The following PCDHGA1 variants were observed in gnomAD, a reference collection of about 807,000 sequenced individuals.
PCDHGA1 encodes protocadherin gamma-A1.
In PCDHGA1, 32 loss-of-function variants were observed where a neutral mutation model predicts 58.0. The ratio of observed to expected loss-of-function variants is 0.55; its 90% confidence interval spans 0.42 to 0.74. The LOEUF (loss-of-function observed/expected upper bound fraction) is 0.74, where lower values mean the gene tolerates loss of function less well. Among genes scored for constraint, PCDHGA1 ranks in the 30% least tolerant of loss-of-function variants. The pLI is 0.00. For synonymous variants in PCDHGA1, 498 were observed against 501.1 expected, an observed-to-expected ratio of 0.99 and a Z score of 0.08; for missense variants, 1,205 against 1,182.3, an observed-to-expected ratio of 1.02 and a Z score of -0.28.
chr5:141,366,146 T>C, intron 1 of PCDHGA1: 1 of 1,614,182 alleles, frequency 6.2e-7, no homozygotes, highest in South Asian at 1.1e-5. Flanking sequence ...CTGGCTGTCC[T>C]ACCGCCTGCT....
At chr5:141,408,974 G>T (rs899313364) in intron 1 of PCDHGA1, 1 of 1,613,690 alleles carries the variant, frequency 6.2e-7, no homozygotes, top group South Asian at 1.1e-5. Flanking sequence ...TCTGCCCCCT[G>T]GGTCCCCTGT....
At chr5:141,413,822 T>G in intron 1 of PCDHGA1, 1 of 1,613,216 alleles carries the variant, frequency 6.2e-7, no homozygotes, top group Non-Finnish European at 8.5e-7. Context: ...CACCTGGTCC[T>G]CACCGCCTCC....
intron 1 of PCDHGA1, chr5:141,422,687 T>C: frequency 6.2e-7 from 1 of 1,604,936 alleles, no homozygotes; most frequent in Non-Finnish European, 8.5e-7. Flanking sequence ...CAGAATGCCC[T>C]GGTCACTTAC....
chr5:141,430,926 C>T, intron 1 of PCDHGA1: 1 of 1,607,426 alleles, frequency 6.2e-7, no homozygotes, highest in Non-Finnish European at 8.5e-7. Flanking sequence ...GGGCTGGAGC[C>T]CCGGGAGCTC....
intron 1 of PCDHGA1, chr5:141,372,498 C>A: frequency 6.2e-7 from 1 of 1,614,054 alleles, no homozygotes; most frequent in Admixed American, 1.7e-5. Context: ...GATCTCAGTG[C>A]TCTTCCTCCT....
intron 1 of PCDHGA1, chr5:141,412,841 G>A (rs1285924844): frequency 4.9e-6 from 1 of 206,050 alleles, no homozygotes; most frequent in Non-Finnish European, 9.6e-6. Flanking sequence ...AAAGATAGGA[G>A]TGGAGAAACC....
chr5:141,374,444 G>A (rs1371044841), intron 1 of PCDHGA1: 1 of 1,613,848 alleles, frequency 6.2e-7, no homozygotes, highest in Non-Finnish European at 8.5e-7. Flanking sequence ...TCCCGTGGAA[G>A]TGGAAATAGT....
At chr5:141,342,253 T>C (rs560315850) in intron 1 of PCDHGA1, 9 of 152,290 alleles carry the variant, frequency 5.9e-5, no homozygotes, top group African/African-American at 2.2e-4. Flanking sequence ...TCTTTATACA[T>C]CTCTCTTCTC....
At position 141,376,180 on chromosome 5, in the gene PCDHGA1, G is replaced by C. The variant is rs113596971; in HGVS notation, c.2421+43075G>C. On this transcript the variant is annotated intron_variant, in intron 1 of 3. Transcript: ENST00000517417. Reference sequence around the variant, plus strand: ...TGTACCTGGTGGTGGCGGTGGCCGCGGTCTCCTGCGTCTTCCTGGCCTTCG... The same window carrying C: ...TGTACCTGGTGGTGGCGGTGGCCGCCGTCTCCTGCGTCTTCCTGGCCTTCG... The C allele has an allele frequency of 1.9e-3, 3,099 of 1,614,100 alleles. 61 individuals are homozygous for C. The African/African-American group carries it at 0.034, about 18-fold the overall frequency.
chr5:141,352,198 A>T (rs1201053334), intron 1 of PCDHGA1: 1 of 1,613,830 alleles, frequency 6.2e-7, no homozygotes, highest in Non-Finnish European at 8.5e-7. Context: ...GTGATGGAGG[A>T]CAGCCGCCAC....
At chr5:141,356,282 C>T in intron 1 of PCDHGA1, 2 of 1,557,612 alleles carry the variant, frequency 1.3e-6, no homozygotes, top group Non-Finnish European at 1.7e-6. Flanking sequence ...GAATCTTCTT[C>T]CCCGGGTACA....
At position 141,330,766 on chromosome 5, in the gene PCDHGA1, G is replaced by T; in HGVS notation, c.82G>T (p.Ala28Ser). Residue 28 changes from alanine (A) to serine (S), a missense_variant, in exon 1 of 4, where the codon GCT (alanine) becomes TCT (serine). By Grantham distance (99) the Ala-to-Ser change is moderately conservative. Transcript: ENST00000517417. ...TCTGGAGCTGCTGTTGGAAGCTGGG[G>T]CTGGGAATATTCACTACTCAGTGCC... The part of the protein sequence containing the change: ...LSLELLLEAG[A>S]GNIHYSVPEE... The T allele has an allele frequency of 6.2e-7, 1 of 1,614,202 alleles. No homozygotes were observed. The highest frequency in any genetic ancestry group is 8.5e-7 in the Non-Finnish European group (1 of 1,180,032).
At chr5:141,339,226 C>A (rs1429099227) in intron 1 of PCDHGA1, 2 of 1,614,040 alleles carry the variant, frequency 1.2e-6, no homozygotes, top group Non-Finnish European at 1.7e-6. Flanking sequence ...GCAGCTTGGT[C>A]ACTGCGAACA....
At chr5:141,483,648 T>TTGTGTG (rs111458813) in intron 1 of PCDHGA1, among the ~76,000 whole-genome samples, 20,229 of 149,628 alleles carry the variant, frequency 0.14, 2,147 homozygotes, top group African/African-American at 0.31. Context: ...GGGTGTGTGT[T>TTGTGTG]TGTGTGTGTG....
rs147057088 is a variant in PCDHGA1 at position 141,432,065 on chromosome 5, A to C, written c.2422-62742A>C. 6.2e-7 allele frequency: 1 copy of C among 1,613,930 alleles called. No individual in the cohort carries two copies. Among genetic ancestry groups the C allele is most frequent in the Non-Finnish European group, 8.5e-7 (1 of 1,180,014 alleles). On this transcript the variant is annotated intron_variant, in intron 1 of 3. Coordinates refer to ENST00000517417, the MANE Select transcript of PCDHGA1 (RefSeq NM_018912.3). This position sits in a 1 kb window ranked among gnomAD's most constrained non-coding sequence, Gnocchi z 6.0. ...GGGAACCCCGCCCCTATCCACGGAA[A>C]CTCATATCTCGCTGAACGTGGCAGA...
intron 1 of PCDHGA1, among the ~76,000 whole-genome samples, chr5:141,346,826 A>AC (rs1408143330): frequency 6.6e-6 from 1 of 152,222 alleles, no homozygotes; most frequent in African/African-American, 2.4e-5. Context: ...TACCTGTGAT[A>AC]AATAGGCCTT....
chr5:141,476,091 G>A lies in PCDHGA1; in HGVS notation c.2422-18716G>A. The A allele has an allele frequency of 2.6e-6, 4 of 1,563,192 alleles. No individual in the cohort carries two copies. The highest frequency in any genetic ancestry group is 3.5e-6 in the Non-Finnish European group (4 of 1,159,278). On this transcript the variant is annotated intron_variant, in intron 1 of 3. Transcript: ENST00000517417. The surrounding 1 kb of genome is among the most constrained non-coding windows in gnomAD (Gnocchi z 7.6). ...AAATCTCAGGGACGATCTGGACCCCGCTGAGAGGAACTGCTTTTGAGTGAG... is the reference window on the plus strand; with the variant it reads ...AAATCTCAGGGACGATCTGGACCCCACTGAGAGGAACTGCTTTTGAGTGAG...
At chr5:141,348,176 T>C (rs1489672747) in intron 1 of PCDHGA1, among the ~76,000 whole-genome samples, 1 of 152,218 alleles carries the variant, frequency 6.6e-6, no homozygotes, top group Non-Finnish European at 1.5e-5. Context: ...ATATGTTTTA[T>C]TAGAACTCAA....
chr5:141,352,417 T>A, intron 1 of PCDHGA1: 4 of 1,614,054 alleles, frequency 2.5e-6, no homozygotes, highest in Non-Finnish European at 3.4e-6. Context: ...GCCTCGACAC[T>A]GAGGGCTGCT....
Sources: allele counts gnomAD v4.1 joint callset (sites outside exome capture counted in the v4.1 genomes callset), GRCh38; gene constraint gnomAD v4.1.1; non-coding constraint Gnocchi (gnomAD v3.1); transcripts MANE v1.5; gene names NCBI Gene and HGNC (gene_info 2026-07-23, HGNC 2026-07-21).